The following CBFB variants were observed in gnomAD, a reference collection of about 807,000 sequenced individuals.
CBFB encodes core-binding factor subunit beta.
A neutral mutation model predicts 30.4 loss-of-function variants in CBFB; 9 were observed. The ratio of observed to expected loss-of-function variants is 0.30; its 90% CI spans 0.18 to 0.52. The LOEUF is 0.52. CBFB is among the 20% of genes least tolerant of loss of function. CBFB has a pLI of 0.97. For synonymous variants in CBFB, 94 were observed against 84.0 expected (o/e 1.12, Z -0.65); for missense variants, 170 against 244.0 (o/e 0.70, Z 2.02).
chr16:67,056,297 G>C (rs1488393594), intron 3 of CBFB, among the ~76,000 whole-genome samples: 1 of 152,184 alleles, frequency 6.6e-6, no homozygotes, highest in African/African-American at 2.4e-5. Context: ...GAGTTACAGT[G>C]CTGTCAGCTG....
intron 3 of CBFB, among the ~76,000 whole-genome samples, chr16:67,040,244 T>C (rs1361410364): frequency 6.6e-6 from 1 of 152,240 alleles, no homozygotes; most frequent in Non-Finnish European, 1.5e-5. Flanking sequence ...CTTCTCCAAA[T>C]GTTAATTATT....
intron 3 of CBFB, among the ~76,000 whole-genome samples, chr16:67,057,181 C>A (rs1221990050): frequency 6.6e-6 from 1 of 152,002 alleles, no homozygotes; most frequent in Non-Finnish European, 1.5e-5. Context: ...CGGGGTTTCA[C>A]CATGTTGGCC....
chr16:67,098,804 C>G lies in CBFB; in HGVS notation c.*26C>G, dbSNP rs1480364155. 1 of 1,315,924 alleles carries G rather than the reference C, an allele frequency of 7.6e-7. No individual in the cohort carries two copies. Among genetic ancestry groups the G allele is most frequent in the Non-Finnish European group, 1.1e-6 (1 of 911,280 alleles). 81.5% of individuals were successfully genotyped at this position (1,315,924 alleles called of 1,614,324 possible). On this transcript the variant is annotated 3_prime_UTR_variant, in exon 6 of 6. Transcript: ENST00000412916. Reference sequence around the variant, plus strand: ...TTAATAGCACAGCAGATGTGTGCTGCCCATCTTTACATACACATTGCTTCT... The same window carrying G: ...TTAATAGCACAGCAGATGTGTGCTGGCCATCTTTACATACACATTGCTTCT...
intron 3 of CBFB, among the ~76,000 whole-genome samples, chr16:67,046,674 T>C (rs1017053363): frequency 2.0e-5 from 3 of 152,162 alleles, no homozygotes; most frequent in Non-Finnish European, 4.4e-5. Flanking sequence ...TTGCAGGTAG[T>C]GTTCTAATTG....
At chr16:67,052,760 C>A (rs1342853126) in intron 3 of CBFB, among the ~76,000 whole-genome samples, 1 of 151,870 alleles carries the variant, frequency 6.6e-6, no homozygotes, top group Non-Finnish European at 1.5e-5. Context: ...CCAGGAGTTA[C>A]AGACCAGCCC....
chr16:67,031,618 C>T (rs1221808075), intron 2 of CBFB, among the ~76,000 whole-genome samples: 6 of 152,208 alleles, frequency 3.9e-5, no homozygotes, highest in African/African-American at 1.4e-4. Context: ...TAAAGCGATT[C>T]TCCTGCCTCA....
At chr16:67,054,461 G>A (rs1273885358) in intron 3 of CBFB, among the ~76,000 whole-genome samples, 1 of 152,026 alleles carries the variant, frequency 6.6e-6, no homozygotes, top group Non-Finnish European at 1.5e-5. Flanking sequence ...ACCTAGTGTC[G>A]GTCCACAGTC....
chr16:67,038,023 A>G (rs1271158932), intron 3 of CBFB, among the ~76,000 whole-genome samples: 2 of 152,046 alleles, frequency 1.3e-5, no homozygotes, highest in Non-Finnish European at 2.9e-5. Flanking sequence ...TTGAGAAGTC[A>G]AGGAGTTGAC....
intron 2 of CBFB, among the ~76,000 whole-genome samples, chr16:67,032,609 C>G (rs972813219): frequency 6.6e-6 from 1 of 152,070 alleles, no homozygotes; most frequent in Admixed American, 6.6e-5. Context: ...TTGTATAAAC[C>G]CCTCTGGATA....
At chr16:67,077,005 C>G (rs1961419289) in intron 4 of CBFB, among the ~76,000 whole-genome samples, 1 of 151,704 alleles carries the variant, frequency 6.6e-6, no homozygotes, top group Non-Finnish European at 1.5e-5. Flanking sequence ...ACTATAACTT[C>G]TAAAGGATAG....
rs140789569 is a variant in CBFB at position 67,066,035 on chromosome 16, T to G, written c.283-647T>G. 1.4e-4 allele frequency among the ~76,000 whole-genome samples: 21 copies of G among 152,144 alleles called. No individual in the cohort carries two copies. In the East Asian group the frequency reaches 3.7e-3, roughly 27 times the overall value. On this transcript the variant is annotated intron_variant, in intron 3 of 5. Coordinates refer to ENST00000412916, the MANE Select transcript of CBFB (RefSeq NM_022845.3). ...ATTATACCAGTTAAAGTTCTTTGGT[T>G]AAAAGCAGTAGAAATCAACTCTGGC...
chr16:67,029,605 T>C (rs938549415), intron 1 of CBFB, 120 bp downstream of exon 1: 14 of 1,313,974 alleles, frequency 1.1e-5, no homozygotes, highest in Non-Finnish European at 1.3e-5. Context: ...GGAGGGGCAA[T>C]CTCGCCGGGG....
chr16:67,036,518 C>A, intron 2 of CBFB, 121 bp from the exon 3 acceptor site: 2 of 597,730 alleles, frequency 3.3e-6, no homozygotes, highest in Non-Finnish European at 6.1e-6. Flanking sequence ...TTTTTTTTTA[C>A]TTTTAAGTAT....
In CBFB at chr16:67,058,128, G is replaced by GGTTGTTGTTGTT. The variant is rs59958780; in HGVS notation, c.283-8534_283-8523dup. 4.6e-3 allele frequency among the ~76,000 whole-genome samples: 696 copies of GGTTGTTGTTGTT among 151,434 alleles called. 4 individuals carry two copies. The highest frequency in any genetic ancestry group is 0.012 in the African/African-American group (484 of 41,272). ...TGACATCACACTAGTTATTCAAATC[G>GGTTGTTGTTGTT]GTTGTTGTTGTTGTTGTTGTTGTTG... On this transcript the variant is annotated intron_variant, in intron 3 of 5. Transcript: ENST00000412916.
intron 3 of CBFB, among the ~76,000 whole-genome samples, chr16:67,047,291 A>C (rs756608732): frequency 1.3e-5 from 2 of 152,220 alleles, no homozygotes; most frequent in Non-Finnish European, 2.9e-5. Flanking sequence ...TTAAAAAAAT[A>C]AAACGTGCCT....
chr16:67,029,514 G>C, intron 1 of CBFB, 29 bp downstream of exon 1: 1 of 1,566,584 alleles, frequency 6.4e-7, no homozygotes. Flanking sequence ...CGGCTAGGAG[G>C]CCGCAGCGCG....
At chr16:67,056,054 A>G (rs1394874306) in intron 3 of CBFB, among the ~76,000 whole-genome samples, 2 of 152,172 alleles carry the variant, frequency 1.3e-5, no homozygotes, top group Non-Finnish European at 2.9e-5. Flanking sequence ...ACAACTCTTC[A>G]TTGTCAGGGA....
At chr16:67,033,272 G>A (rs1210866592) in intron 2 of CBFB, among the ~76,000 whole-genome samples, 3 of 152,200 alleles carry the variant, frequency 2.0e-5, no homozygotes, top group African/African-American at 7.2e-5. Context: ...TGCCAATTGA[G>A]TTTTTAACTG....
chr16:67,029,721 T>A lies in CBFB; in HGVS notation c.79-6T>A. ...GCTCCTGATTTCGGGCCGTCTTGCC[T>A]TGCAGATTAAGTACACGGGCTTCAG... is the stretch of plus-strand genomic sequence containing the variant. On this transcript the variant is annotated splice_polypyrimidine_tract_variant and splice_region_variant and intron_variant, in intron 1 of 5. Coordinates refer to ENST00000412916, the MANE Select transcript of CBFB (RefSeq NM_022845.3). 1 of 1,586,090 alleles carries A rather than the reference T, an allele frequency of 6.3e-7. No homozygotes were observed. The highest frequency in any genetic ancestry group is 2.4e-5 in the East Asian group (1 of 41,622).
Sources: gnomAD v4.1 joint callset for allele counts (sites outside exome capture counted in the v4.1 genomes callset) on GRCh38, gnomAD v4.1.1 for gene constraint, MANE v1.5 for transcripts, NCBI Gene and HGNC (gene_info 2026-07-23, HGNC 2026-07-21) for gene names.